Variants in NUBPL observed in about 807,000 individuals in gnomAD.
NUBPL encodes the protein iron-sulfur cluster transfer protein NUBPL.
A neutral mutation model predicts 45.7 loss-of-function variants in NUBPL; 31 were observed. The ratio of observed to expected loss-of-function variants is 0.68; its 90% CI spans 0.51 to 0.92. The LOEUF (loss-of-function observed/expected upper bound fraction) is 0.92. Ranked by LOEUF, NUBPL falls within the 40% of genes least tolerant of loss-of-function variation. NUBPL has a pLI of 0.00. For missense variants in NUBPL, 401 were observed against 398.7 expected (o/e 1.01, Z -0.05); for synonymous variants, 144 against 140.9 (o/e 1.02, Z -0.15).
chr14:31,859,317 T>C lies in NUBPL; in HGVS notation c.*137T>C, dbSNP rs2040675772. 2 of 788,130 alleles carry C rather than the reference T, an allele frequency of 2.5e-6. No individual in the cohort carries two copies. Among genetic ancestry groups the C allele is most frequent in the African/African-American group, 3.4e-5 (2 of 58,020 alleles). 48.8% of individuals were successfully genotyped at this position (788,130 alleles called of 1,614,324 possible). A position where few individuals can be genotyped will look rare whatever the true frequency, so the allele number is the denominator to read the frequency against. On this transcript the variant is annotated 3_prime_UTR_variant, in exon 11 of 11. Coordinates refer to ENST00000281081, the MANE Select transcript of NUBPL (RefSeq NM_025152.3). ...TCTAAGGAAAGAATGTCTTCATATT[T>C]GACTTGCTAAGCTAAGGTTCACAAA...
chr14:31,777,394 T>A (rs2039116120), intron 6 of NUBPL, among the ~76,000 whole-genome samples: 2 of 152,212 alleles, frequency 1.3e-5, no homozygotes, highest in African/African-American at 4.8e-5. Flanking sequence ...GGCACTCAAA[T>A]GTGTGCTAAA....
At chr14:31,672,164 T>G (rs2036585260) in intron 4 of NUBPL, among the ~76,000 whole-genome samples, 1 of 152,186 alleles carries the variant, frequency 6.6e-6, no homozygotes, top group African/African-American at 2.4e-5. Flanking sequence ...ATTTTTCATC[T>G]CAGATTTCAA....
chr14:31,743,154 A>G (rs1203039469), intron 6 of NUBPL, among the ~76,000 whole-genome samples: 2 of 152,044 alleles, frequency 1.3e-5, no homozygotes, highest in Admixed American at 6.6e-5. Context: ...TCCTTCTTAC[A>G]GTATATTCTT....
intron 3 of NUBPL, among the ~76,000 whole-genome samples, chr14:31,568,710 C>T (rs2033502820): frequency 6.6e-6 from 1 of 152,088 alleles, no homozygotes; most frequent in African/African-American, 2.4e-5. Flanking sequence ...TCTTTTGTTT[C>T]CAAAGTTGAT....
chr14:31,637,839 G>T (rs548501699), intron 4 of NUBPL, among the ~76,000 whole-genome samples: 2 of 152,132 alleles, frequency 1.3e-5, no homozygotes, highest in African/African-American at 2.4e-5. Context: ...TTACCATTAC[G>T]TAATGGCCTT....
intron 4 of NUBPL, among the ~76,000 whole-genome samples, chr14:31,622,196 A>C (rs1320161432): frequency 6.6e-6 from 1 of 152,164 alleles, no homozygotes; most frequent in Non-Finnish European, 1.5e-5. Flanking sequence ...CTGGCAGAAG[A>C]AATCTCTAAG....
At chr14:31,668,212 A>T (rs2036484054) in intron 4 of NUBPL, among the ~76,000 whole-genome samples, 1 of 152,192 alleles carries the variant, frequency 6.6e-6, no homozygotes. Flanking sequence ...TTTTATCTTT[A>T]CGTCCCTGAC....
chr14:31,832,476 A>T (rs2040208544), intron 8 of NUBPL, among the ~76,000 whole-genome samples: 1 of 152,168 alleles, frequency 6.6e-6, no homozygotes, highest in Admixed American at 6.5e-5. Flanking sequence ...CAAACTAGAA[A>T]TAAGAGGTTA....
intron 6 of NUBPL, among the ~76,000 whole-genome samples, chr14:31,682,516 A>G (rs1365438840): frequency 6.6e-6 from 1 of 152,142 alleles, no homozygotes; most frequent in Non-Finnish European, 1.5e-5. Context: ...TACATTTAGT[A>G]TAATTATTAA....
At chr14:31,779,357 A>G (rs1283669285) in intron 6 of NUBPL, among the ~76,000 whole-genome samples, 2 of 151,814 alleles carry the variant, frequency 1.3e-5, no homozygotes, top group Admixed American at 1.3e-4. Flanking sequence ...AAAGAAGAAG[A>G]AAGAAAGAGA....
At chr14:31,745,663 G>A (rs987536190) in intron 6 of NUBPL, among the ~76,000 whole-genome samples, 23 of 152,040 alleles carry the variant, frequency 1.5e-4, no homozygotes. Context: ...AGTTTGTTTA[G>A]TAATTATAAG....
chr14:31,751,362 G>C (rs577504570), intron 6 of NUBPL, among the ~76,000 whole-genome samples: 1 of 152,348 alleles, frequency 6.6e-6, no homozygotes, highest in African/African-American at 2.4e-5. Context: ...AAACAAGTTA[G>C]TTACTTCCAA....
At chr14:31,765,147 AG>A (rs1450005001) in intron 6 of NUBPL, among the ~76,000 whole-genome samples, 2 of 152,214 alleles carry the variant, frequency 1.3e-5, no homozygotes, top group African/African-American at 2.4e-5. Context: ...TTCAAAAAAA[AG>A]GTCTGACTTC....
intron 4 of NUBPL, chr14:31,667,847 C>T (rs1350443968): frequency 6.4e-6 from 1 of 155,586 alleles, no homozygotes; most frequent in Non-Finnish European, 1.4e-5. Flanking sequence ...TGGAGGTCCA[C>T]TCCAGACCCT....
At chr14:31,800,190 C>G (rs989889386) in intron 7 of NUBPL, among the ~76,000 whole-genome samples, 1 of 152,194 alleles carries the variant, frequency 6.6e-6, no homozygotes, top group Non-Finnish European at 1.5e-5. Context: ...TCCACCACAT[C>G]TGCAGTTATT....
intron 7 of NUBPL, among the ~76,000 whole-genome samples, chr14:31,809,195 C>G (rs12879432): frequency 2.0e-5 from 3 of 151,992 alleles, no homozygotes; most frequent in African/African-American, 4.8e-5. Context: ...AGGAATGGTA[C>G]CAGCTCCTCT....
At chr14:31,639,488 C>G (rs2035615565) in intron 4 of NUBPL, among the ~76,000 whole-genome samples, 1 of 152,152 alleles carries the variant, frequency 6.6e-6, no homozygotes, top group Non-Finnish European at 1.5e-5. Context: ...TCAGTCTGCC[C>G]CTACTGGGGG....
At chr14:31,828,850 A>G (rs937260713) in intron 8 of NUBPL, among the ~76,000 whole-genome samples, 4 of 152,232 alleles carry the variant, frequency 2.6e-5, no homozygotes, top group Non-Finnish European at 5.9e-5. Context: ...GGTTGGACAG[A>G]TAATCCTTAT....
intron 7 of NUBPL, among the ~76,000 whole-genome samples, chr14:31,806,761 T>C (rs1371654946): frequency 1.3e-5 from 2 of 151,292 alleles, no homozygotes; most frequent in African/African-American, 4.9e-5. Context: ...ACTACTGCTA[T>C]CCCTCTCCCA....
Sources: allele counts gnomAD v4.1 joint callset (sites outside exome capture counted in the v4.1 genomes callset), GRCh38; gene constraint gnomAD v4.1.1; transcripts MANE v1.5; gene names NCBI Gene and HGNC (gene_info 2026-07-23, HGNC 2026-07-21).